Variants in ECT2L observed in about 807,000 individuals in gnomAD.
ECT2L encodes epithelial cell-transforming sequence 2 oncogene-like.
Under a neutral mutation model 122.8 loss-of-function variants are expected in ECT2L, and 126 were observed. The ratio of observed to expected loss-of-function variants is 1.03; its 90% CI spans 0.89 to 1.19. The LOEUF (loss-of-function observed/expected upper bound fraction) is 1.19, where lower values mean the gene tolerates loss of function less well. Ranked by LOEUF, ECT2L falls within the 50% of genes most tolerant of loss-of-function variation. The pLI, the probability that ECT2L is intolerant of heterozygous loss-of-function variation, is 0.00. For missense variants in ECT2L, 1,012 were observed against 1,064.1 expected (o/e 0.95, Z 0.68); for synonymous variants, 385 against 381.8 (o/e 1.01, Z -0.10).
At chr6:138,862,854 G>A (rs538457828) in intron 11 of ECT2L, 135 bp downstream of exon 11, 29 of 626,172 alleles carry the variant, frequency 4.6e-5, no homozygotes, top group East Asian at 3.4e-4. Context: ...CTGAAGGAAC[G>A]CTATTAGTTC....
intron 4 of ECT2L, 108 bp from the exon 5 acceptor site, chr6:138,838,244 T>TC: frequency 1.4e-5 from 15 of 1,065,970 alleles, no homozygotes; most frequent in Non-Finnish European, 1.9e-5. Context: ...TTAGGATTTA[T>TC]TTTTTATAGG....
chr6:138,896,398 A>G (rs1779214177), intron 20 of ECT2L, among the ~76,000 whole-genome samples: 1 of 152,166 alleles, frequency 6.6e-6, no homozygotes. Context: ...ATACTGCCAA[A>G]AAGATACACT....
At position 138,839,807 on chromosome 6, in the gene ECT2L, T is replaced by C. The variant is rs1316781872; in HGVS notation, c.342+1293T>C. Among the ~76,000 whole-genome samples, 4 of 152,314 alleles carry C rather than the reference T, an allele frequency of 2.6e-5. No homozygotes were observed. The Middle Eastern group carries it at 0.01, about 391-fold the overall frequency. On this transcript the variant is annotated intron_variant, in intron 5 of 21. Coordinates refer to ENST00000541398, the MANE Select transcript of ECT2L (RefSeq NM_001077706.3). Reference sequence around the variant, plus strand: ...TGCGAATTAAACTTTTTTTCAATTGTTAATTATGGATTCTTTAACAGTTCT... The same window carrying C: ...TGCGAATTAAACTTTTTTTCAATTGCTAATTATGGATTCTTTAACAGTTCT...
intron 20 of ECT2L, among the ~76,000 whole-genome samples, chr6:138,890,339 C>A (rs1023376096): frequency 1.2e-4 from 19 of 152,068 alleles, no homozygotes; most frequent in Non-Finnish European, 1.5e-5. Context: ...ATGAATATTT[C>A]AACAAATGTT....
chr6:138,900,249 T>C (rs1316296277), intron 20 of ECT2L, among the ~76,000 whole-genome samples: 1 of 152,090 alleles, frequency 6.6e-6, no homozygotes, highest in Non-Finnish European at 1.5e-5. Flanking sequence ...CCCCAACTTA[T>C]TATCTTTTTT....
intron 1 of ECT2L, among the ~76,000 whole-genome samples, chr6:138,812,606 A>T (rs113349682): frequency 6.6e-6 from 1 of 152,022 alleles, no homozygotes; most frequent in East Asian, 1.9e-4. Context: ...TGAGTTCGAG[A>T]CCAGCCTGGC....
chr6:138,897,536 ATTTAGTTTAACCGTATTTACGGTTAAACT>A (rs1554280346), intron 20 of ECT2L, among the ~76,000 whole-genome samples: 3 of 152,094 alleles, frequency 2.0e-5, no homozygotes, highest in Non-Finnish European at 4.4e-5. Flanking sequence ...GCTTTTGCGT[ATTTAGTTTAACCGTATTTACGGTTAAACT>A]TTTAGAGTTT....
chr6:138,840,189 T>C (rs890571017), intron 5 of ECT2L, among the ~76,000 whole-genome samples: 5 of 152,096 alleles, frequency 3.3e-5, no homozygotes, highest in African/African-American at 4.8e-5. Flanking sequence ...CATCTTCATG[T>C]TGAGTAGGCT....
chr6:138,798,191 G>A (rs539089793), intron 1 of ECT2L, among the ~76,000 whole-genome samples: 21 of 152,266 alleles, frequency 1.4e-4, no homozygotes, highest in African/African-American at 5.1e-4. Flanking sequence ...TTTTAATGGA[G>A]GATTCATTCA....
At chr6:138,901,564 G>A (rs1779396714) in intron 21 of ECT2L, among the ~76,000 whole-genome samples, 1 of 152,200 alleles carries the variant, frequency 6.6e-6, no homozygotes, top group East Asian at 1.9e-4. Flanking sequence ...TTGCATCTAA[G>A]CTAGGAGTTG....
chr6:138,846,706 C>T (rs1486830683), intron 8 of ECT2L, 29 bp downstream of exon 8: 2 of 1,446,870 alleles, frequency 1.4e-6, no homozygotes, highest in African/African-American at 1.4e-5. Context: ...CCAGTCCTGT[C>T]CTGATTGTTT....
intron 20 of ECT2L, among the ~76,000 whole-genome samples, chr6:138,899,326 C>T (rs1478665753): frequency 1.3e-5 from 2 of 152,084 alleles, no homozygotes; most frequent in African/African-American, 2.4e-5. Context: ...GAATAAAAGT[C>T]CTATCCATTA....
intron 4 of ECT2L, among the ~76,000 whole-genome samples, chr6:138,825,105 C>T (rs547972500): frequency 2.6e-5 from 4 of 152,120 alleles, no homozygotes; most frequent in South Asian, 2.1e-4. Context: ...CTAGGCCAGA[C>T]GGTCAGGGAA....
At chr6:138,817,083 A>C (rs1401136953) in intron 4 of ECT2L, among the ~76,000 whole-genome samples, 1 of 151,938 alleles carries the variant, frequency 6.6e-6, no homozygotes, top group Non-Finnish European at 1.5e-5. Context: ...TCTTTCACAT[A>C]TTATAACGTT....
intron 4 of ECT2L, among the ~76,000 whole-genome samples, chr6:138,822,349 T>TGA (rs1776295125): frequency 6.6e-6 from 1 of 151,538 alleles, no homozygotes; most frequent in Non-Finnish European, 1.5e-5. Context: ...AGCTTAGGAG[T>TGA]TCAAGACCAG....
chr6:138,821,444 A>AG (rs199930331), intron 4 of ECT2L, among the ~76,000 whole-genome samples: 3 of 152,046 alleles, frequency 2.0e-5, no homozygotes, highest in African/African-American at 7.2e-5. Flanking sequence ...TGTGTCCAGA[A>AG]GAAAAAAAAA....
intron 4 of ECT2L, among the ~76,000 whole-genome samples, chr6:138,828,077 C>T (rs1007833134): frequency 6.6e-6 from 1 of 151,862 alleles, no homozygotes; most frequent in Non-Finnish European, 1.5e-5. Context: ...TGCTATCCCT[C>T]CCCCCACCGC....
intron 4 of ECT2L, among the ~76,000 whole-genome samples, chr6:138,825,004 C>G (rs1776395595): frequency 1.3e-5 from 2 of 152,282 alleles, no homozygotes; most frequent in South Asian, 4.1e-4. Context: ...GCGTCATTTC[C>G]CATGATCCAA....
At chr6:138,840,018 C>T (rs1776981527) in intron 5 of ECT2L, among the ~76,000 whole-genome samples, 1 of 152,120 alleles carries the variant, frequency 6.6e-6, no homozygotes, top group African/African-American at 2.4e-5. Flanking sequence ...AGAAGACTTA[C>T]TGATAATGCT....
Sources: allele counts gnomAD v4.1 joint callset (sites outside exome capture counted in the v4.1 genomes callset), GRCh38; gene constraint gnomAD v4.1.1; transcripts MANE v1.5; gene names NCBI Gene and HGNC (gene_info 2026-07-23, HGNC 2026-07-21).